Variants in GRM5 observed in about 807,000 individuals in gnomAD.
The protein encoded by GRM5 is glutamate metabotropic receptor 5, also known as metabotropic glutamate receptor 5.
In GRM5, 19 loss-of-function variants were observed where a neutral mutation model predicts 83.1. The observed-to-expected ratio is 0.23, with a 90% CI of 0.16 to 0.34. The LOEUF (loss-of-function observed/expected upper bound fraction) is 0.34, where lower values mean the gene tolerates loss of function less well. Among genes scored for constraint, GRM5 ranks in the 10% least tolerant of loss-of-function variants. The pLI, the probability that GRM5 is intolerant of heterozygous loss-of-function variation, is 1.00. For synonymous variants in GRM5, 675 were observed against 633.6 expected, an observed-to-expected ratio of 1.07 and a Z score of -0.98; for missense variants, 1,160 against 1,588.3, an observed-to-expected ratio of 0.73 and a Z score of 4.58.
Position 88,697,264 on chromosome 11 carries a change from C to A in GRM5, c.912-43861G>T, listed in dbSNP as rs80262166. Among the ~76,000 whole-genome samples, 716 of 152,268 alleles carry A rather than the reference C, an allele frequency of 4.7e-3. 4 individuals are homozygous for A. Among genetic ancestry groups the A allele is most frequent in the African/African-American group, 0.016 (670 of 41,550 alleles). Reference sequence around the variant, plus strand: ...AGCCATAAATGTGAAGAGCAGCTGACAGAAGGCAGTTTTTCTCTGCGGCAC... The same window carrying A: ...AGCCATAAATGTGAAGAGCAGCTGAAAGAAGGCAGTTTTTCTCTGCGGCAC... On this transcript the variant is annotated intron_variant, in intron 3 of 9. Coordinates refer to ENST00000305447, the MANE Select transcript of GRM5 (RefSeq NM_001143831.3).
chr11:88,614,452 G>A (rs181937437), intron 4 of GRM5, among the ~76,000 whole-genome samples: 416 of 152,256 alleles, frequency 2.7e-3, no homozygotes, highest in Non-Finnish European at 4.9e-3. Context: ...ATAAAAGTAA[G>A]TGAAAGGTCT....
intron 3 of GRM5, among the ~76,000 whole-genome samples, chr11:88,793,470 T>C (rs1262402100): frequency 6.6e-6 from 1 of 152,202 alleles, no homozygotes; most frequent in Non-Finnish European, 1.5e-5. Context: ...GTAGTATCAA[T>C]CTGGCATTTA....
intron 3 of GRM5, among the ~76,000 whole-genome samples, chr11:88,840,393 T>C (rs1343799504): frequency 6.6e-6 from 1 of 152,184 alleles, no homozygotes; most frequent in Non-Finnish European, 1.5e-5. Context: ...TCCATCAAAG[T>C]CATCTTCTGT....
At chr11:88,732,144 A>G (rs1941820139) in intron 3 of GRM5, among the ~76,000 whole-genome samples, 1 of 152,080 alleles carries the variant, frequency 6.6e-6, no homozygotes, top group Non-Finnish European at 1.5e-5. Context: ...TCTCTATCAT[A>G]GCACTTAGCA....
At chr11:88,637,445 A>G (rs898556417) in intron 4 of GRM5, among the ~76,000 whole-genome samples, 1 of 152,162 alleles carries the variant, frequency 6.6e-6, no homozygotes, top group African/African-American at 2.4e-5. Context: ...AGTGAACTCA[A>G]ACAAATTTAC....
intron 2 of GRM5, among the ~76,000 whole-genome samples, chr11:88,885,247 G>A (rs1331008613): frequency 1.3e-5 from 2 of 151,328 alleles, no homozygotes; most frequent in Non-Finnish European, 1.5e-5. Context: ...GTGCAGAAAG[G>A]AAAAAAATAC....
rs544041556 is a variant in GRM5 at position 89,023,314 on chromosome 11, CTCT to C, written c.661+23895_661+23897del. 6.6e-5 allele frequency among the ~76,000 whole-genome samples: 10 copies of C among 152,230 alleles called. No homozygotes were observed. In the South Asian group the frequency reaches 1.0e-3, roughly 16 times the overall value. On this transcript the variant is annotated intron_variant, in intron 2 of 9. Transcript: ENST00000305447. ...TCTTACACAACATGACCCCCAAACA[CTCT>C]TCTTCTGCTCTCTTCTCCATACTTC...
chr11:88,647,786 T>C (rs1450444941), intron 4 of GRM5, among the ~76,000 whole-genome samples: 9 of 152,038 alleles, frequency 5.9e-5, no homozygotes, highest in Non-Finnish European at 1.3e-4. Flanking sequence ...GAATCTACAA[T>C]GAACTCAAAC....
At chr11:88,725,301 C>T (rs910812707) in intron 3 of GRM5, among the ~76,000 whole-genome samples, 5 of 152,176 alleles carry the variant, frequency 3.3e-5, no homozygotes, top group Admixed American at 3.3e-4. Context: ...CACCACAGCT[C>T]AGCAAAGCTG....
At chr11:88,930,108 A>G (rs1937655196) in intron 2 of GRM5, among the ~76,000 whole-genome samples, 1 of 152,146 alleles carries the variant, frequency 6.6e-6, no homozygotes, top group African/African-American at 2.4e-5. Flanking sequence ...AATGTAAGTA[A>G]AGAAAAGTGA....
At chr11:88,702,689 T>G (rs1359757099) in intron 3 of GRM5, among the ~76,000 whole-genome samples, 1 of 152,100 alleles carries the variant, frequency 6.6e-6, no homozygotes, top group Non-Finnish European at 1.5e-5. Flanking sequence ...GACCTTAGAA[T>G]GTAATCATAT....
At chr11:89,036,769 G>A (rs753851338) in intron 2 of GRM5, among the ~76,000 whole-genome samples, 3 of 151,254 alleles carry the variant, frequency 2.0e-5, no homozygotes, top group Non-Finnish European at 4.4e-5. Flanking sequence ...TTATTTCAAA[G>A]CGTCAAAAAA....
At chr11:88,887,110 T>C (rs1945057724) in intron 2 of GRM5, among the ~76,000 whole-genome samples, 1 of 152,202 alleles carries the variant, frequency 6.6e-6, no homozygotes, top group African/African-American at 2.4e-5. Context: ...TGCTTTATGC[T>C]GCTTCTGTTA....
At chr11:88,935,809 T>A (rs576879390) in intron 2 of GRM5, among the ~76,000 whole-genome samples, 20 of 152,092 alleles carry the variant, frequency 1.3e-4, no homozygotes, top group Admixed American at 1.2e-3. Flanking sequence ...GTTAATTATA[T>A]TTTTTGTTAA....
At chr11:88,519,788 C>A (rs1160932510) in intron 9 of GRM5, among the ~76,000 whole-genome samples, 3 of 152,088 alleles carry the variant, frequency 2.0e-5, no homozygotes, top group Non-Finnish European at 4.4e-5. Context: ...AACAACCTTT[C>A]TAAACTGGGT....
chr11:88,669,125 T>G (rs1178344705), intron 3 of GRM5, among the ~76,000 whole-genome samples: 1 of 152,174 alleles, frequency 6.6e-6, no homozygotes, highest in Non-Finnish European at 1.5e-5. Context: ...ACAATCAAGA[T>G]GTAGATACAC....
At chr11:88,821,041 A>G (rs1943780848) in intron 3 of GRM5, among the ~76,000 whole-genome samples, 1 of 152,166 alleles carries the variant, frequency 6.6e-6, no homozygotes. Context: ...CTACAGATAC[A>G]CATCACTGAA....
intron 3 of GRM5, among the ~76,000 whole-genome samples, chr11:88,750,663 A>C (rs1448388994): frequency 6.6e-6 from 1 of 152,142 alleles, no homozygotes; most frequent in Non-Finnish European, 1.5e-5. Context: ...TTTAAAATTG[A>C]TCTCATAATT....
chr11:88,697,376 C>A (rs1321903088), intron 3 of GRM5, among the ~76,000 whole-genome samples: 1 of 152,134 alleles, frequency 6.6e-6, no homozygotes, highest in African/African-American at 2.4e-5. Flanking sequence ...CCCAGAGGAC[C>A]ATTTATGTTT....
Sources: gnomAD v4.1 joint callset for allele counts (sites outside exome capture counted in the v4.1 genomes callset) on GRCh38, gnomAD v4.1.1 for gene constraint, MANE v1.5 for transcripts, NCBI Gene and HGNC (gene_info 2026-07-23, HGNC 2026-07-21) for gene names.